Variants in AK7 observed in about 807,000 individuals in gnomAD.
AK7 encodes the protein ATP-AMP transphosphorylase 7.
A neutral mutation model predicts 96.6 loss-of-function variants in AK7; 78 were observed. The observed-to-expected ratio is 0.81, with a 90% confidence interval of 0.67 to 0.97. The LOEUF is 0.97. Ranked by LOEUF, AK7 falls within the 50% of genes least tolerant of loss-of-function variation. AK7 has a pLI of 0.00. For synonymous variants in AK7, 302 were observed against 317.2 expected (o/e 0.95, Z 0.51); for missense variants, 855 against 887.9 (o/e 0.96, Z 0.47).
rs78220532 is a variant in AK7 at position 96,450,627 on chromosome 14, A to G, written c.948+748A>G. 3.4e-3 allele frequency among the ~76,000 whole-genome samples: 510 copies of G among 151,984 alleles called. 4 individuals are homozygous for G. Among genetic ancestry groups the G allele is most frequent in the African/African-American group, 0.011 (467 of 41,502 alleles). ...CTTTTCAAGCTTGCATTAGAATGCA[A>G]TTCTTTTTAAGAATAAATTGCAAAT... On this transcript the variant is annotated intron_variant, in intron 9 of 17. Transcript: ENST00000267584.
Position 96,456,752 on chromosome 14 carries a change from T to C in AK7, c.1227+277T>C, listed in dbSNP as rs1369838384. ...CGCTTGCTGGCTTTGGCACCCGCAA[T>C]GAACACAAGTGTGTGTTTGTGTCGT... On this transcript the variant is annotated intron_variant, in intron 11 of 17. Coordinates refer to ENST00000267584, the MANE Select transcript of AK7 (RefSeq NM_152327.5). The C allele has an allele frequency of 1.0e-5, 3 of 291,148 alleles. No individual in the cohort carries two copies. In the Admixed American group the frequency reaches 1.3e-4, roughly 12 times the overall value. 18.0% of individuals were successfully genotyped at this position (291,148 alleles called of 1,614,324 possible). A position where few individuals can be genotyped will look rare whatever the true frequency, so the allele number is the denominator to read the frequency against.
At chr14:96,431,789 C>T (rs1892367378) in intron 5 of AK7, among the ~76,000 whole-genome samples, 1 of 152,116 alleles carries the variant, frequency 6.6e-6, no homozygotes, top group African/African-American at 2.4e-5. Flanking sequence ...TGGTGCAGAG[C>T]TGAGTTCAAG....
intron 12 of AK7, among the ~76,000 whole-genome samples, chr14:96,468,732 A>G (rs1894723094): frequency 6.6e-6 from 1 of 152,164 alleles, no homozygotes; most frequent in African/African-American, 2.4e-5. Context: ...ACCACTGCTC[A>G]GGGGAGCAGC....
intron 16 of AK7, among the ~76,000 whole-genome samples, chr14:96,486,418 C>A (rs757030859): frequency 1.3e-4 from 20 of 152,100 alleles, no homozygotes; most frequent in Non-Finnish European, 2.2e-4. Context: ...AAATTGTAAC[C>A]AATTTTGATG....
At chr14:96,458,459 T>C (rs977343486) in intron 12 of AK7, among the ~76,000 whole-genome samples, 1 of 151,260 alleles carries the variant, frequency 6.6e-6, no homozygotes, top group African/African-American at 2.4e-5. Flanking sequence ...TAGCTAGGCA[T>C]GGCCAGGCAC....
chr14:96,437,018 A>G (rs962706913), intron 5 of AK7, among the ~76,000 whole-genome samples: 9 of 131,908 alleles, frequency 6.8e-5, no homozygotes, highest in Non-Finnish European at 1.2e-4. Context: ...TGGTATTTTG[A>G]GCTTATCTGG....
chr14:96,457,770 C>T (rs1006460443), intron 11 of AK7, among the ~76,000 whole-genome samples: 1 of 152,184 alleles, frequency 6.6e-6, no homozygotes, highest in African/African-American at 2.4e-5. Flanking sequence ...GTCTTGATTT[C>T]TGCAACATGT....
In AK7 at chr14:96,424,003, T is replaced by C. The variant is rs1434804181; in HGVS notation, c.609+3071T>C. 11 of 817,404 alleles carry C rather than the reference T, an allele frequency of 1.3e-5. No homozygotes were observed. In the Admixed American group the frequency reaches 1.7e-4, roughly 13 times the overall value. 50.6% of individuals were successfully genotyped at this position (817,404 alleles called of 1,614,324 possible). A position where few individuals can be genotyped will look rare whatever the true frequency, so the allele number is the denominator to read the frequency against. On this transcript the variant is annotated intron_variant, in intron 5 of 17. Transcript: ENST00000267584. Reference sequence around the variant, plus strand: ...TTGGGGATCCTTCCTGCTTGGAGCATCCGGGTCTGTCAAGACCCAGGTGTA... The same window carrying C: ...TTGGGGATCCTTCCTGCTTGGAGCACCCGGGTCTGTCAAGACCCAGGTGTA...
intron 8 of AK7, among the ~76,000 whole-genome samples, chr14:96,448,138 AAAAAG>A (rs1303542626): frequency 6.6e-6 from 1 of 151,752 alleles, no homozygotes; most frequent in Non-Finnish European, 1.5e-5. Flanking sequence ...AAAAAAAAAA[AAAAAG>A]AAAAGAAATT....
chr14:96,416,698 T>C (rs1455086588), intron 4 of AK7, among the ~76,000 whole-genome samples: 1 of 152,210 alleles, frequency 6.6e-6, no homozygotes, highest in Non-Finnish European at 1.5e-5. Flanking sequence ...TGGGAGGAAC[T>C]AAAACCCATA....
intron 4 of AK7, among the ~76,000 whole-genome samples, chr14:96,414,868 T>C (rs1426357514): frequency 6.6e-6 from 1 of 150,392 alleles, no homozygotes; most frequent in Non-Finnish European, 1.5e-5. Context: ...TTCTCTGGCC[T>C]TAGCCTCCTG....
intron 12 of AK7, among the ~76,000 whole-genome samples, chr14:96,464,429 A>G (rs1370116415): frequency 2.0e-5 from 3 of 150,264 alleles, no homozygotes; most frequent in African/African-American, 7.3e-5. Context: ...GCGTGCCTAT[A>G]GTTCCAGCTA....
chr14:96,469,425 T>C (rs938022362), intron 12 of AK7, among the ~76,000 whole-genome samples: 3 of 152,096 alleles, frequency 2.0e-5, no homozygotes, highest in African/African-American at 7.2e-5. Flanking sequence ...CTCGGGAGGC[T>C]GAGGCATGAG....
intron 2 of AK7, chr14:96,398,535 A>G: frequency 2.2e-6 from 1 of 457,468 alleles, no homozygotes; most frequent in Non-Finnish European, 4.0e-6. Context: ...TCTTCAGCAT[A>G]TTCTGCCTTG....
At chr14:96,452,820 C>G (rs530615918) in intron 10 of AK7, among the ~76,000 whole-genome samples, 1 of 152,074 alleles carries the variant, frequency 6.6e-6, no homozygotes, top group African/African-American at 2.4e-5. Context: ...GTCAGAGATT[C>G]AGACTAGGTA....
intron 12 of AK7, 49 bp downstream of exon 12, chr14:96,458,261 A>T (rs1354530160): frequency 6.3e-7 from 1 of 1,578,320 alleles, no homozygotes; most frequent in African/African-American, 1.4e-5. Flanking sequence ...AACAGTGGCT[A>T]TTTTTAAAAA....
At chr14:96,482,761 G>A (rs1895567503) in intron 15 of AK7, among the ~76,000 whole-genome samples, 1 of 152,036 alleles carries the variant, frequency 6.6e-6, no homozygotes, top group Non-Finnish European at 1.5e-5. Flanking sequence ...CTCAAATCAA[G>A]TCATTGTTAG....
intron 12 of AK7, among the ~76,000 whole-genome samples, chr14:96,468,191 C>T (rs1595453272): frequency 1.4e-5 from 2 of 143,532 alleles, no homozygotes; most frequent in African/African-American, 2.7e-5. Flanking sequence ...GCACTCTAGC[C>T]TGAGTGACAG....
chr14:96,396,321 G>C (rs1221794613), intron 1 of AK7, among the ~76,000 whole-genome samples: 1 of 152,224 alleles, frequency 6.6e-6, no homozygotes, highest in Non-Finnish European at 1.5e-5. Flanking sequence ...AGGAATATGG[G>C]AGTGGGAATA....
Sources: gnomAD v4.1 joint callset for allele counts (sites outside exome capture counted in the v4.1 genomes callset) on GRCh38, gnomAD v4.1.1 for gene constraint, MANE v1.5 for transcripts, NCBI Gene and HGNC (gene_info 2026-07-23, HGNC 2026-07-21) for gene names.